The following DACT2 variants were observed in gnomAD, a reference collection of about 807,000 sequenced individuals.
The protein encoded by DACT2 is dapper homolog 2.
In DACT2, 20 loss-of-function variants were observed where a neutral mutation model predicts 22.2. That is an observed-to-expected ratio of 0.90 (90% CI 0.63 to 1.31). DACT2 has a LOEUF of 1.31. Ranked by LOEUF, DACT2 falls within the 50% of genes most tolerant of loss-of-function variation. The pLI is 0.00. For synonymous variants in DACT2, 463 were observed against 479.8 expected (o/e 0.96, Z 0.46); for missense variants, 1,048 against 1,061.4 (o/e 0.99, Z 0.18).
intron 1 of DACT2, among the ~76,000 whole-genome samples, chr6:168,314,596 A>T (rs1336784151): frequency 6.6e-6 from 1 of 152,208 alleles, no homozygotes; most frequent in East Asian, 1.9e-4. Context: ...TTTACGCACC[A>T]CAAGAGAATG....
At chr6:168,311,726 CTTTA>C (rs943551106) in intron 1 of DACT2, among the ~76,000 whole-genome samples, 1 of 152,068 alleles carries the variant, frequency 6.6e-6, no homozygotes, top group East Asian at 1.9e-4. Context: ...GATCAGACTG[CTTTA>C]CTTATCCTCA....
At chr6:168,298,375 T>G (rs915733946) in intron 3 of DACT2, 1 of 152,234 alleles carries the variant, frequency 6.6e-6, no homozygotes, top group East Asian at 1.9e-4. Flanking sequence ...CTTGCATTTG[T>G]TTTTTGTTTT....
chr6:168,304,979 C>G (rs1008861158), downstream of DACT2, among the ~76,000 whole-genome samples: 1 of 152,178 alleles, frequency 6.6e-6, no homozygotes, highest in Non-Finnish European at 1.5e-5. Flanking sequence ...AGAGCACTGG[C>G]AAGGCCTTGG....
chr6:168,293,166 ATC>A (rs1267128272), exon 6 of DACT2: 1 of 152,224 alleles, frequency 6.6e-6, no homozygotes, highest in Non-Finnish European at 1.5e-5. Context: ...TTTGGAGCTC[ATC>A]TTCTCCCTAA....
chr6:168,307,232 C>T lies in DACT2; in HGVS notation c.*200G>A, dbSNP rs1032719849. ...CTGCTGGCATCTGAAACCAGAGCTC[C>T]GCATGGAAGTCTTTGCTGGGGCGGG... On this transcript the variant is annotated 3_prime_UTR_variant, in exon 4 of 4. Coordinates refer to ENST00000366795, the MANE Select transcript of DACT2 (RefSeq NM_214462.5). The surrounding 1 kb of genome is among the most constrained non-coding windows in gnomAD (Gnocchi z 5.3). 6.7e-5 allele frequency: 95 copies of T among 1,412,094 alleles called. No individual in the cohort carries two copies. Among genetic ancestry groups the T allele is most frequent in the African/African-American group, 5.9e-4 (40 of 68,226 alleles). 87.5% of individuals were successfully genotyped at this position (1,412,094 alleles called of 1,614,324 possible). A position where few individuals can be genotyped will look rare whatever the true frequency, so the allele number is the denominator to read the frequency against.
At chr6:168,306,525 C>T (rs986270968), downstream of DACT2, among the ~76,000 whole-genome samples, 17 of 151,996 alleles carry the variant, frequency 1.1e-4, no homozygotes, top group Non-Finnish European at 1.5e-5. Flanking sequence ...TCACTGCAGC[C>T]TCCGCCTCCT....
In DACT2 at chr6:168,307,795, G is replaced by T; in HGVS notation, c.1962C>A (p.Asp654Glu). The change falls in exon 4 of 4, where the codon GAC becomes GAA. Residue 654 changes from aspartate to glutamate, a missense_variant. By Grantham distance (45) the Asp-to-Glu change is conservative (BLOSUM62 2). Transcript: ENST00000366795. The surrounding 1 kb of genome is among the most constrained non-coding windows in gnomAD (Gnocchi z 5.3). ...ARGRPSLVRQ[D>E]AYTRSDSEPS... is the part of the protein sequence containing the mutation. ...GCTCTGAGTCGCTCCTGGTGTAGGC[G>T]TCCTGGCGGACCAGTGAGGGACGGC... 1 of 1,543,002 alleles carries T rather than the reference G, an allele frequency of 6.5e-7. No individual in the cohort carries two copies.
rs377662346 is a variant in DACT2 at position 168,308,413 on chromosome 6, C to G, written c.1344G>C (p.Gln448His). 259 of 1,551,666 alleles carry G rather than the reference C, an allele frequency of 1.7e-4. No homozygotes were observed. The highest frequency in any genetic ancestry group is 2.2e-4 in the Non-Finnish European group (251 of 1,147,018). ...GTCCATAGTCCTGAGCTGAGGGTGT[C>G]TGCTGGGCCTTTGAGCTGGGAGAAG... Reference protein sequence around the residue: ...VQASPSSKAQQTPSAQDYGRG... With the variant: ...VQASPSSKAQHTPSAQDYGRG... Residue 448 changes from glutamine to histidine, a missense_variant, in exon 4 of 4, where the codon CAG (glutamine) becomes CAC (histidine). Coordinates refer to ENST00000366795, the MANE Select transcript of DACT2 (RefSeq NM_214462.5).
chr6:168,316,544 G>A (rs1300196081), intron 1 of DACT2, among the ~76,000 whole-genome samples: 3 of 61,884 alleles, frequency 4.8e-5, no homozygotes, highest in Admixed American at 1.3e-4. Context: ...CAGAAGCTGC[G>A]ATTGTGTCTG....
At chr6:168,296,682 AG>A (rs1779014837) in intron 3 of DACT2, among the ~76,000 whole-genome samples, 4 of 152,256 alleles carry the variant, frequency 2.6e-5, no homozygotes, top group Admixed American at 2.6e-4. Flanking sequence ...TCCAGGCAAA[AG>A]GCAAAGATGC....
chr6:168,311,559 CT>C, intron 1 of DACT2, among the ~76,000 whole-genome samples: 1 of 83,024 alleles, frequency 1.2e-5, no homozygotes, highest in South Asian at 4.6e-4. Context: ...CATACACACA[CT>C]CACACACAAA....
At chr6:168,293,858 C>T (rs1227604124) in exon 6 of DACT2, 1 of 702,964 alleles carries the variant, frequency 1.4e-6, no homozygotes, top group African/African-American at 1.7e-5. Flanking sequence ...TGTGACTGGT[C>T]AGTCAATGCA....
chr6:168,297,736 A>C (rs1447189454), intron 3 of DACT2, among the ~76,000 whole-genome samples: 1 of 152,276 alleles, frequency 6.6e-6, no homozygotes, highest in Non-Finnish European at 1.5e-5. Flanking sequence ...TTGCGTGGAC[A>C]GAAAGACAGA....
At chr6:168,297,475 C>T (rs1422189988) in intron 3 of DACT2, among the ~76,000 whole-genome samples, 3 of 152,122 alleles carry the variant, frequency 2.0e-5, no homozygotes, top group African/African-American at 7.2e-5. Flanking sequence ...GAAGAGGAGG[C>T]CCAGAGCCAC....
Position 168,307,864 on chromosome 6 carries a change from G to T in DACT2, c.1893C>A (p.Pro631=). The change falls in exon 4 of 4, where the codon CCC becomes CCA. Residue 631 remains proline, a synonymous_variant. Coordinates refer to ENST00000366795, the MANE Select transcript of DACT2 (RefSeq NM_214462.5). The surrounding 1 kb of genome is among the most constrained non-coding windows in gnomAD (Gnocchi z 5.3). ...LASCPESNLG[P]PRPVARRAGG... is the part of the protein sequence containing the mutation. ...CTGCTCTCCTGGCCACGGGCCTGGG[G>T]GGCCCCAGGTTAGACTCAGGACAGC... The T allele has an allele frequency of 6.5e-7, 1 of 1,539,322 alleles. No homozygotes were observed. Among genetic ancestry groups the T allele is most frequent in the Non-Finnish European group, 8.7e-7 (1 of 1,146,110 alleles).
chr6:168,301,131 C>T (rs979152038), intron 3 of DACT2, among the ~76,000 whole-genome samples: 1 of 152,220 alleles, frequency 6.6e-6, no homozygotes, highest in African/African-American at 2.4e-5. Flanking sequence ...CCTGTGACAG[C>T]GGCCAGCGAC....
chr6:168,293,938 T>C (rs951627594), exon 6 of DACT2: 54 of 703,350 alleles, frequency 7.7e-5, no homozygotes, highest in Non-Finnish European at 1.0e-4. Flanking sequence ...TTTGAACTTG[T>C]GTTCTGTAAG....
At chr6:168,309,656 G>A (rs954083170) in intron 3 of DACT2, among the ~76,000 whole-genome samples, 2 of 152,234 alleles carry the variant, frequency 1.3e-5, no homozygotes, top group African/African-American at 4.8e-5. Context: ...GGTCCCTGCA[G>A]ATGCCCTGGA....
chr6:168,310,508 C>T, intron 2 of DACT2, 62 bp from the exon 3 acceptor site: 1 of 1,515,404 alleles, frequency 6.6e-7, no homozygotes, highest in Non-Finnish European at 8.8e-7. Context: ...GGCCCCCTCT[C>T]CTCCTGAGCT....
Sources: allele counts gnomAD v4.1 joint callset (sites outside exome capture counted in the v4.1 genomes callset), GRCh38; gene constraint gnomAD v4.1.1; non-coding constraint Gnocchi (gnomAD v3.1); transcripts MANE v1.5; gene names NCBI Gene and HGNC (gene_info 2026-07-23, HGNC 2026-07-21).